Variants in NAA15 observed in about 807,000 individuals in gnomAD.
NAA15 encodes N-terminal acetyltransferase.
In NAA15, 34 loss-of-function variants were observed where a neutral mutation model predicts 114.0. The ratio of observed to expected loss-of-function variants is 0.30; its 90% CI spans 0.23 to 0.40. NAA15 has a LOEUF of 0.40. Among genes scored for constraint, NAA15 ranks in the 10% least tolerant of loss-of-function variants. NAA15 has a pLI of 1.00. For synonymous variants in NAA15, 340 were observed against 338.0 expected (o/e 1.01, Z -0.06); for missense variants, 658 against 1,004.5 (o/e 0.66, Z 4.66).
At chr4:139,357,101 AC>A (rs1193927560) in intron 10 of NAA15, among the ~76,000 whole-genome samples, 1 of 151,488 alleles carries the variant, frequency 6.6e-6, no homozygotes, top group African/African-American at 2.4e-5. Flanking sequence ...TCTCCCCCCT[AC>A]CTGTTTCAGT....
intron 18 of NAA15, among the ~76,000 whole-genome samples, chr4:139,385,288 ATATATATATATAATATATAT>A (rs1748875809): frequency 1.0e-5 from 1 of 100,466 alleles, no homozygotes; most frequent in Admixed American, 9.2e-5. Flanking sequence ...TATATAATAT[ATATATATATATAATATATAT>A]TATATATATA....
chr4:139,355,884 C>A (rs529417086), intron 10 of NAA15, among the ~76,000 whole-genome samples: 70 of 152,074 alleles, frequency 4.6e-4, no homozygotes, highest in Non-Finnish European at 9.6e-4. Flanking sequence ...ACTGGTGATA[C>A]TCTATTATTC....
chr4:139,319,203 A>G (rs1054855436), intron 1 of NAA15, among the ~76,000 whole-genome samples: 3 of 152,166 alleles, frequency 2.0e-5, no homozygotes, highest in African/African-American at 7.2e-5. Context: ...CTGAGGCAGG[A>G]CAGTCGTTTA....
intron 19 of NAA15, among the ~76,000 whole-genome samples, chr4:139,387,586 T>C (rs939942748): frequency 1.3e-5 from 2 of 152,224 alleles, no homozygotes; most frequent in African/African-American, 4.8e-5. Context: ...ATACGCTTGC[T>C]GAGAGTGAGT....
rs1283385686 is a variant in NAA15 at position 139,370,290 on chromosome 4, GA to G, written c.1841del (p.Asn614MetfsTer22). The G allele has an allele frequency of 7.6e-6, 12 of 1,585,562 alleles. No homozygotes were observed. Among genetic ancestry groups the G allele is most frequent in the Admixed American group, 5.3e-5 (3 of 56,726 alleles). The part of the protein sequence containing the change: ...AQKKAQIEEE[K>X]KNAEKEKQQR... ...AAAAGAAAGCCCAGATAGAAGAAGA[GA>G]AAAAAAATGCAGAAAAAGAAAAGCA... On this transcript the variant is annotated frameshift_variant, in exon 15 of 20. Transcript: ENST00000296543. LOFTEE classifies it high-confidence loss of function.
chr4:139,309,994 C>T (rs963062795), intron 1 of NAA15, among the ~76,000 whole-genome samples: 9 of 152,110 alleles, frequency 5.9e-5, no homozygotes, highest in East Asian at 1.9e-4. Context: ...TCCAGAGGGG[C>T]GGGCATGGTG....
intron 1 of NAA15, among the ~76,000 whole-genome samples, chr4:139,314,974 C>G (rs1746333280): frequency 2.1e-5 from 2 of 95,364 alleles, no homozygotes; most frequent in South Asian, 7.3e-4. Context: ...CCACACCCGG[C>G]CTAGAGAAGC....
Position 139,315,006 on chromosome 4 carries a change from T to TTTAGTTTAGTTTAGGTTAGGTTAGG in NAA15, c.54+13179_54+13180insTTTAGTTTAGGTTAGGTTAGGTTAG, listed in dbSNP as rs773285130. 2.7e-4 allele frequency among the ~76,000 whole-genome samples: 27 copies of TTTAGTTTAGTTTAGGTTAGGTTAGG among 101,554 alleles called. 2 individuals carry two copies. In the South Asian group the frequency reaches 3.4e-3, roughly 13 times the overall value. 66.6% of individuals were successfully genotyped at this position (101,554 alleles called of 152,430 possible). ...AAGCGTTCAGTTCAGTTCAGTTTAGTTTAGGTTAGGTTAGGTTAGGTTAGG... is the reference window on the plus strand; with the variant it reads ...AAGCGTTCAGTTCAGTTCAGTTTAGTTTAGTTTAGTTTAGGTTAGGTTAGGTTAGGTTAGGTTAGGTTAGGTTAGG... On this transcript the variant is annotated intron_variant, in intron 1 of 19. Coordinates refer to ENST00000296543, the MANE Select transcript of NAA15 (RefSeq NM_057175.5).
intron 1 of NAA15, 123 bp from the exon 2 acceptor site, chr4:139,334,051 G>T: frequency 1.6e-6 from 1 of 608,428 alleles, no homozygotes; most frequent in Non-Finnish European, 2.9e-6. Context: ...GCATTTTACC[G>T]AGATTTAGAA....
chr4:139,384,752 C>A, intron 17 of NAA15, 80 bp from the exon 18 acceptor site: 1 of 991,784 alleles, frequency 1.0e-6, no homozygotes, highest in Non-Finnish European at 1.4e-6. Context: ...AAGACCCTGT[C>A]TCAAACACAA....
chr4:139,336,460 A>G (rs1463690158), intron 2 of NAA15, among the ~76,000 whole-genome samples: 1 of 152,124 alleles, frequency 6.6e-6, no homozygotes, highest in African/African-American at 2.4e-5. Flanking sequence ...TATATAACCT[A>G]GGTTCACAGA....
At chr4:139,365,306 G>A (rs1399353640) in intron 14 of NAA15, among the ~76,000 whole-genome samples, 1 of 152,028 alleles carries the variant, frequency 6.6e-6, no homozygotes, top group Non-Finnish European at 1.5e-5. Context: ...CCAAAGTGCT[G>A]GGATTACAGG....
chr4:139,379,944 G>A (rs4863497), intron 17 of NAA15, among the ~76,000 whole-genome samples: 42,152 of 151,942 alleles, frequency 0.28, 6,189 homozygotes, highest in African/African-American at 0.37. Context: ...ATTCAGGAGG[G>A]TGAGGCAGGA....
intron 1 of NAA15, among the ~76,000 whole-genome samples, chr4:139,329,457 C>G (rs539928047): frequency 1.3e-5 from 2 of 152,082 alleles, no homozygotes; most frequent in East Asian, 3.9e-4. Flanking sequence ...TGGTGTTGGA[C>G]TTTGTTGTGG....
In NAA15 at chr4:139,313,680, G is replaced by C. The variant is rs890859093; in HGVS notation, c.54+11849G>C. Among the ~76,000 whole-genome samples the C allele has an allele frequency of 5.9e-5, 9 of 151,548 alleles. 1 individual carries two copies. The highest frequency in any genetic ancestry group is 2.2e-4 in the African/African-American group (9 of 41,112). On this transcript the variant is annotated intron_variant, in intron 1 of 19. Transcript: ENST00000296543. ...CTGCCTCAGCCTCCCGAGTAGCTGG[G>C]GTTACAGGCATGTGCCTCCATGCCC...
At chr4:139,343,081 T>C in intron 5 of NAA15, 121 bp downstream of exon 5, 1 of 848,244 alleles carries the variant, frequency 1.2e-6, no homozygotes. Context: ...GTTGCAGGAA[T>C]AGCACAAAGA....
chr4:139,326,909 AT>A (rs1285980807), intron 1 of NAA15, among the ~76,000 whole-genome samples: 1 of 151,874 alleles, frequency 6.6e-6, no homozygotes, highest in African/African-American at 2.4e-5. Flanking sequence ...TGTCGTTTTA[AT>A]TTTTTTTAAC....
rs1748999540 is a variant in NAA15 at position 139,389,693 on chromosome 4, CA to C, written c.*1612del. 6.6e-6 allele frequency: 1 copy of C among 152,530 alleles called. No individual in the cohort carries two copies. Among genetic ancestry groups the C allele is most frequent in the Non-Finnish European group, 1.5e-5 (1 of 68,018 alleles). The allele number at this position is 152,530 out of a possible 1,614,324, so 9.4% of individuals were successfully genotyped here. A position where few individuals can be genotyped will look rare whatever the true frequency, so the allele number is the denominator to read the frequency against. On this transcript the variant is annotated 3_prime_UTR_variant, in exon 20 of 20. Coordinates refer to ENST00000296543, the MANE Select transcript of NAA15 (RefSeq NM_057175.5). Reference sequence around the variant, plus strand: ...TCTGAGCAAATAAGATTAAGTAAAACAAATCAATTGTATATATAATTGACCT... The same window carrying C: ...TCTGAGCAAATAAGATTAAGTAAAACAATCAATTGTATATATAATTGACCT...
At chr4:139,371,497 G>GCACA (rs35581039) in intron 15 of NAA15, among the ~76,000 whole-genome samples, 29,898 of 113,436 alleles carry the variant, frequency 0.26, 5,201 homozygotes, top group Non-Finnish European at 0.35. Flanking sequence ...AAGAAAAGTA[G>GCACA]CACACACACA....
Sources: gnomAD v4.1 joint callset for allele counts (sites outside exome capture counted in the v4.1 genomes callset) on GRCh38, gnomAD v4.1.1 for gene constraint, MANE v1.5 for transcripts, NCBI Gene and HGNC (gene_info 2026-07-23, HGNC 2026-07-21) for gene names.